BASP1: variants seen among roughly 807,000 people sequenced by gnomAD.
BASP1 encodes the protein brain abundant membrane attached signal protein 1.
BASP1 carries 1 observed loss-of-function variant against 2.2 expected under a neutral mutation model. The observed-to-expected ratio is 0.46, with a 90% CI of 0.16 to 2.17. The LOEUF (loss-of-function observed/expected upper bound fraction) is 2.17. BASP1 is among the 30% of genes most tolerant of loss of function. The pLI is 0.27. For missense variants in BASP1, 352 were observed against 327.2 expected, an observed-to-expected ratio of 1.08 and a Z score of -0.58; for synonymous variants, 187 against 154.2, an observed-to-expected ratio of 1.21 and a Z score of -1.58.
chr5:17,229,101 C>T (rs952416269), intron 1 of BASP1, among the ~76,000 whole-genome samples: 8 of 152,098 alleles, frequency 5.3e-5, no homozygotes, highest in Non-Finnish European at 1.2e-4. Context: ...CATAGTTTAC[C>T]AGGTAGAGAA....
chr5:17,264,252 T>C (rs1156294066), intron 1 of BASP1, among the ~76,000 whole-genome samples: 1 of 152,236 alleles, frequency 6.6e-6, no homozygotes, highest in Non-Finnish European at 1.5e-5. Context: ...TGTGCTTTTT[T>C]ATTGTTTGTA....
At chr5:17,269,881 G>A (rs971521631) in intron 1 of BASP1, among the ~76,000 whole-genome samples, 3 of 152,182 alleles carry the variant, frequency 2.0e-5, no homozygotes, top group African/African-American at 7.2e-5. Flanking sequence ...CATTAAATGA[G>A]TAAAAGAATT....
At chr5:17,221,047 C>T (rs1420718202) in intron 1 of BASP1, among the ~76,000 whole-genome samples, 1 of 152,192 alleles carries the variant, frequency 6.6e-6, no homozygotes, top group Non-Finnish European at 1.5e-5. Context: ...TATACACACT[C>T]TAAAATCTTA....
intron 1 of BASP1, among the ~76,000 whole-genome samples, chr5:17,237,203 G>A (rs1739765519): frequency 6.6e-6 from 1 of 152,104 alleles, no homozygotes; most frequent in Admixed American, 6.5e-5. Flanking sequence ...AATTAGCTGG[G>A]CGTGGTGGTG....
intron 1 of BASP1, among the ~76,000 whole-genome samples, chr5:17,232,021 C>G (rs10055110): frequency 0.014 from 2,132 of 152,316 alleles, 60 homozygotes; most frequent in African/African-American, 0.048. Context: ...CTGATGAACT[C>G]CAATTACAGT....
rs1018908437 is a variant in BASP1 at position 17,275,078 on chromosome 5, T to C, written c.-9-130T>C. The C allele has an allele frequency of 1.3e-6, 1 of 745,014 alleles. No homozygotes were observed. The highest frequency in any genetic ancestry group is 1.8e-5 in the African/African-American group (1 of 55,774). 46.2% of individuals were successfully genotyped at this position (745,014 alleles called of 1,614,324 possible). A position where few individuals can be genotyped will look rare whatever the true frequency, so the allele number is the denominator to read the frequency against. On this transcript the variant is annotated intron_variant, in intron 1 of 1. Transcript: ENST00000322611. This position sits in a 1 kb window ranked among gnomAD's most constrained non-coding sequence, Gnocchi z 5.3. ...AATTTAACTGTGCCTAACTATAGTT[T>C]ACCATGCCACCCCTTTGGGGTGTGC...
At chr5:17,257,819 T>C (rs1740244125) in intron 1 of BASP1, among the ~76,000 whole-genome samples, 1 of 152,178 alleles carries the variant, frequency 6.6e-6, no homozygotes, top group African/African-American at 2.4e-5. Flanking sequence ...CAGTATTGTC[T>C]CACAGGGCAG....
chr5:17,262,763 C>T (rs1411662355), intron 1 of BASP1, among the ~76,000 whole-genome samples: 1 of 152,072 alleles, frequency 6.6e-6, no homozygotes, highest in Non-Finnish European at 1.5e-5. Context: ...TATGTCTTCT[C>T]CCTCTTGCTA....
At chr5:17,267,110 G>A (rs868596454) in intron 1 of BASP1, among the ~76,000 whole-genome samples, 15 of 152,196 alleles carry the variant, frequency 9.9e-5, no homozygotes, top group African/African-American at 3.6e-4. Flanking sequence ...ATAATTTAAA[G>A]TATCTGTAGG....
At chr5:17,273,552 G>A (rs1168976555) in intron 1 of BASP1, among the ~76,000 whole-genome samples, 1 of 152,160 alleles carries the variant, frequency 6.6e-6, no homozygotes, top group East Asian at 1.9e-4. Flanking sequence ...ATAGAATGGT[G>A]AGAAAAATTT....
chr5:17,248,223 C>T (rs1201433601), intron 1 of BASP1, among the ~76,000 whole-genome samples: 1 of 152,228 alleles, frequency 6.6e-6, no homozygotes, highest in Non-Finnish European at 1.5e-5. Flanking sequence ...TAACCCAGTG[C>T]TTGTAAACTG....
chr5:17,255,868 G>A (rs189512737), intron 1 of BASP1, among the ~76,000 whole-genome samples: 3 of 152,256 alleles, frequency 2.0e-5, no homozygotes, highest in African/African-American at 7.2e-5. Context: ...TAAGACTAAT[G>A]CTGTCACCAG....
chr5:17,258,919 C>T (rs750055076), intron 1 of BASP1, among the ~76,000 whole-genome samples: 4 of 152,116 alleles, frequency 2.6e-5, no homozygotes, highest in Non-Finnish European at 4.4e-5. Flanking sequence ...TGGGGAGATA[C>T]ATTTGAATTT....
chr5:17,270,437 A>T (rs1386448480), intron 1 of BASP1, among the ~76,000 whole-genome samples: 9 of 152,218 alleles, frequency 5.9e-5, no homozygotes, highest in Non-Finnish European at 8.8e-5. Flanking sequence ...AAAGACTGAA[A>T]ACCTCTTAGA....
intron 1 of BASP1, among the ~76,000 whole-genome samples, chr5:17,267,817 C>CTTTTTTTTTTTT (rs748938177): frequency 1.2e-4 from 4 of 33,428 alleles, no homozygotes; most frequent in African/African-American, 2.9e-4. Context: ...GCTCCCAGCC[C>CTTTTTTTTTTTT]TTTTTTTTTT....
rs1172971928 is a variant in BASP1 at position 17,275,774 on chromosome 5, C to T, written c.558C>T (p.Thr186=). 1.2e-6 allele frequency: 2 copies of T among 1,613,176 alleles called. No individual in the cohort carries two copies. ...AGGCTGCCCCCTCTTCCAAGGAGACCCCCGCAGCCACGGAAGCGCCTAGTT... is the reference window on the plus strand; with the variant it reads ...AGGCTGCCCCCTCTTCCAAGGAGACTCCCGCAGCCACGGAAGCGCCTAGTT... The part of the protein sequence containing the change: ...SSEAAPSSKE[T]PAATEAPSST... The change falls in exon 2 of 2, where the codon ACC becomes ACT. Residue 186 remains threonine, a synonymous_variant. Coordinates refer to ENST00000322611, the MANE Select transcript of BASP1 (RefSeq NM_006317.5). This position sits in a 1 kb window ranked among gnomAD's most constrained non-coding sequence, Gnocchi z 5.3.
intron 1 of BASP1, among the ~76,000 whole-genome samples, chr5:17,232,382 A>C (rs1457746966): frequency 6.6e-6 from 1 of 152,256 alleles, no homozygotes; most frequent in Non-Finnish European, 1.5e-5. Flanking sequence ...TCAGGTCCCT[A>C]GAAAAGCAGG....
At chr5:17,254,126 A>G (rs1466882040) in intron 1 of BASP1, among the ~76,000 whole-genome samples, 2 of 152,216 alleles carry the variant, frequency 1.3e-5, no homozygotes, top group African/African-American at 4.8e-5. Flanking sequence ...AGAACAAACC[A>G]GGAAAACTTT....
At chr5:17,262,072 T>C (rs1029295111) in intron 1 of BASP1, among the ~76,000 whole-genome samples, 1 of 152,232 alleles carries the variant, frequency 6.6e-6, no homozygotes, top group Admixed American at 6.5e-5. Flanking sequence ...TCTTTTGATT[T>C]TTTGAGACAT....
Sources: gnomAD v4.1 joint callset for allele counts (sites outside exome capture counted in the v4.1 genomes callset) on GRCh38, gnomAD v4.1.1 for gene constraint, Gnocchi (gnomAD v3.1) non-coding constraint, MANE v1.5 for transcripts, NCBI Gene and HGNC (gene_info 2026-07-23, HGNC 2026-07-21) for gene names.